Variants in PAAF1 observed in about 807,000 individuals in gnomAD.
PAAF1 encodes the protein proteasomal ATPase-associated factor 1.
A neutral mutation model predicts 52.8 loss-of-function variants in PAAF1; 46 were observed. The ratio of observed to expected loss-of-function variants is 0.87; its 90% confidence interval spans 0.69 to 1.11. PAAF1 has a LOEUF of 1.11. Among genes scored for constraint, PAAF1 ranks in the 50% most tolerant of loss-of-function variants. PAAF1 has a pLI of 0.00. For synonymous variants in PAAF1, 178 were observed against 172.8 expected, an observed-to-expected ratio of 1.03 and a Z score of -0.24; for missense variants, 424 against 477.4, an observed-to-expected ratio of 0.89 and a Z score of 1.04.
Position 73,929,024 on chromosome 11 carries a change from C to T in PAAF1, c.*1662C>T, listed in dbSNP as rs146986925. On this transcript the variant is annotated 3_prime_UTR_variant, in exon 12 of 12. Coordinates refer to ENST00000310571, the MANE Select transcript of PAAF1 (RefSeq NM_025155.3). The stretch of plus-strand genomic sequence containing the variant: ...GTGAGCCACCGTACCCGGCCGGCCA[C>T]CAGAGTTTTTAAAGGCGTATTCTCA... The T allele has an allele frequency of 6.6e-6, 1 of 152,010 alleles. No homozygotes were observed. The highest frequency in any genetic ancestry group is 1.5e-5 in the Non-Finnish European group (1 of 68,042). 9.4% of individuals were successfully genotyped at this position (152,010 alleles called of 1,614,324 possible).
chr11:73,883,965 T>C (rs1948987950), intron 2 of PAAF1, among the ~76,000 whole-genome samples: 1 of 152,186 alleles, frequency 6.6e-6, no homozygotes, highest in African/African-American at 2.4e-5. Context: ...GAGATTTTGA[T>C]GGCAGGATAG....
Position 73,904,048 on chromosome 11 carries a change from C to T in PAAF1, c.532+3628C>T, listed in dbSNP as rs938046179. On this transcript the variant is annotated intron_variant, in intron 6 of 11. Transcript: ENST00000310571. The stretch of plus-strand genomic sequence containing the variant: ...GCATTGAGCCAAGATTGCACTACTT[C>T]ACTCCAGCCTGGGCAACAGAGCGAG... Among the ~76,000 whole-genome samples the T allele has an allele frequency of 4.6e-5, 7 of 151,370 alleles. No individual in the cohort carries two copies. In the East Asian group the frequency reaches 5.8e-4, roughly 13 times the overall value.
intron 2 of PAAF1, chr11:73,879,673 C>G (rs1376420089): frequency 1.3e-5 from 2 of 151,146 alleles, no homozygotes; most frequent in Admixed American, 1.3e-4. Context: ...CGAGACCAGC[C>G]TGGGCAACAA....
At chr11:73,904,272 A>G (rs1949700461) in intron 6 of PAAF1, among the ~76,000 whole-genome samples, 1 of 152,104 alleles carries the variant, frequency 6.6e-6, no homozygotes, top group Admixed American at 6.6e-5. Flanking sequence ...ATTGTAACAT[A>G]TGAGTTCAAT....
intron 5 of PAAF1, 98 bp from the exon 6 acceptor site, chr11:73,900,172 A>C: frequency 1.5e-6 from 2 of 1,300,058 alleles, no homozygotes; most frequent in Admixed American, 4.6e-5. Flanking sequence ...TGGGTTTAGC[A>C]TGTAGGTATT....
chr11:73,918,653 T>C (rs1950135332), intron 9 of PAAF1, among the ~76,000 whole-genome samples: 1 of 151,986 alleles, frequency 6.6e-6, no homozygotes. Context: ...CTTAATTCTT[T>C]TGTTAAGTGA....
intron 9 of PAAF1, among the ~76,000 whole-genome samples, chr11:73,918,540 G>A (rs1950133234): frequency 6.7e-6 from 1 of 149,106 alleles, no homozygotes; most frequent in African/African-American, 2.5e-5. Context: ...GCAGTGGCGC[G>A]ATCTCGGCTC....
intron 10 of PAAF1, chr11:73,921,767 G>T: frequency 8.4e-7 from 1 of 1,190,306 alleles, no homozygotes; most frequent in Non-Finnish European, 1.2e-6. Flanking sequence ...CAAAGTCTCA[G>T]CCCAGTCTCT....
intron 6 of PAAF1, among the ~76,000 whole-genome samples, chr11:73,907,156 G>A (rs1158768992): frequency 6.6e-6 from 1 of 151,634 alleles, no homozygotes; most frequent in Admixed American, 6.6e-5. Context: ...CCTGAGGCTA[G>A]GGACCATAGC....
chr11:73,914,970 A>G (rs71464095), intron 8 of PAAF1, among the ~76,000 whole-genome samples: 10,184 of 152,048 alleles, frequency 0.067, 402 homozygotes, highest in Middle Eastern at 0.1. Context: ...CTCCCAAAGT[A>G]CTGGGAGTAC....
intron 7 of PAAF1, among the ~76,000 whole-genome samples, 199 bp downstream of exon 7, chr11:73,909,792 T>C (rs1325090224): frequency 6.6e-6 from 1 of 152,182 alleles, no homozygotes; most frequent in Non-Finnish European, 1.5e-5. Context: ...GTCATAGCAC[T>C]GCGTTTCAGT....
chr11:73,902,038 A>G (rs1377209474), intron 6 of PAAF1, among the ~76,000 whole-genome samples: 1 of 148,790 alleles, frequency 6.7e-6, no homozygotes, highest in East Asian at 2.0e-4. Flanking sequence ...TAATTTTTGT[A>G]TTTTTTAGTA....
At chr11:73,922,018 C>G in intron 10 of PAAF1, 4 of 813,798 alleles carry the variant, frequency 4.9e-6, no homozygotes, top group Non-Finnish European at 8.3e-6. Flanking sequence ...TTCTTAACTT[C>G]ATAGTTTTTG....
Position 73,924,513 on chromosome 11 carries a change from T to C in PAAF1, c.1019-102T>C, listed in dbSNP as rs367560238. 4.3e-5 allele frequency: 41 copies of C among 950,548 alleles called. No individual in the cohort carries two copies. The East Asian group carries it at 7.6e-4, about 18-fold the overall frequency. 58.9% of individuals were successfully genotyped at this position (950,548 alleles called of 1,614,324 possible). ...TGCCATTCTGGGTCTTTGGACCATCTTCTTTACACTAGTGATCTACAGAAG... is the reference window on the plus strand; with the variant it reads ...TGCCATTCTGGGTCTTTGGACCATCCTCTTTACACTAGTGATCTACAGAAG... On this transcript the variant is annotated intron_variant, in intron 10 of 11. Coordinates refer to ENST00000310571, the MANE Select transcript of PAAF1 (RefSeq NM_025155.3).
intron 6 of PAAF1, among the ~76,000 whole-genome samples, chr11:73,903,439 G>A (rs775096547): frequency 1.3e-5 from 2 of 152,118 alleles, no homozygotes; most frequent in Non-Finnish European, 2.9e-5. Context: ...ATCTTGGTCC[G>A]GGCACTGTGG....
chr11:73,913,607 G>A (rs533158371), intron 7 of PAAF1, among the ~76,000 whole-genome samples: 3 of 151,518 alleles, frequency 2.0e-5, no homozygotes, highest in Non-Finnish European at 4.4e-5. Context: ...TAGAATCCTT[G>A]AGAGTGAGGA....
intron 3 of PAAF1, among the ~76,000 whole-genome samples, chr11:73,888,525 G>C (rs924453315): frequency 6.6e-6 from 1 of 152,150 alleles, no homozygotes; most frequent in Non-Finnish European, 1.5e-5. Context: ...AGATGATTCC[G>C]TAAGGGTGGA....
chr11:73,894,876 C>G (rs181053511), intron 4 of PAAF1, among the ~76,000 whole-genome samples: 89 of 152,044 alleles, frequency 5.9e-4, no homozygotes, highest in African/African-American at 2.1e-3. Flanking sequence ...CCCAGCTGCT[C>G]GAGAGGCTGG....
rs1374722932 is a variant in PAAF1 at position 73,909,480 on chromosome 11, G to A, written c.614G>A (p.Cys205Tyr). 6 of 1,614,078 alleles carry A rather than the reference G, an allele frequency of 3.7e-6. No individual in the cohort carries two copies. Among genetic ancestry groups the A allele is most frequent in the Non-Finnish European group, 4.2e-6 (5 of 1,180,046 alleles). Residue 205 changes from cysteine (C) to tyrosine (Y), a missense_variant, in exon 7 of 12, where the codon TGT (cysteine) becomes TAT (tyrosine). Transcript: ENST00000310571. ...GATGGGACAGCACGACTTTGGGATT[G>A]TGGGCGCTCAGCCTGCTTGGGAGTC... ...SRDGTARLWD[C>Y]GRSACLGVLA...
Sources: allele counts gnomAD v4.1 joint callset (sites outside exome capture counted in the v4.1 genomes callset), GRCh38; gene constraint gnomAD v4.1.1; transcripts MANE v1.5; gene names NCBI Gene and HGNC (gene_info 2026-07-23, HGNC 2026-07-21).